Variants in BTD observed in about 807,000 individuals in gnomAD.
BTD encodes the protein biotinidase, also known as biocytinase.
A neutral mutation model predicts 17.7 loss-of-function variants in BTD; 13 were observed. The observed-to-expected ratio is 0.74, with a 90% CI of 0.48 to 1.17. The LOEUF is 1.17. Among genes scored for constraint, BTD ranks in the 50% most tolerant of loss-of-function variants. The pLI is 0.00. For synonymous variants in BTD, 240 were observed against 245.2 expected (o/e 0.98, Z 0.20); for missense variants, 674 against 650.4 (o/e 1.04, Z -0.39).
rs1336157373 is a variant in BTD, at chr3:15,677,076, G to A, written c.400-32984G>A. On this transcript the variant is annotated intron_variant, in intron 3 of 3. Coordinates refer to the BTD transcript ENST00000672141. ...ATGACCCTATAATTGTGGCAGATAA[G>A]TTATAAAAACTTGAGCACCATTAAA... The A allele has an allele frequency of 1.2e-5, 20 of 1,601,040 alleles. No individual in the cohort carries two copies. The East Asian group carries it at 4.5e-4, about 36-fold the overall frequency.
downstream of BTD, among the ~76,000 whole-genome samples, chr3:15,714,404 C>T (rs2072731611): frequency 6.6e-6 from 1 of 151,784 alleles, no homozygotes; most frequent in Admixed American, 6.6e-5. Context: ...AAAGATACAG[C>T]TACGTGGTAT....
intron 4 of BTD, chr3:15,721,132 TAGA>T: frequency 6.3e-7 from 1 of 1,599,080 alleles, no homozygotes; most frequent in Non-Finnish European, 8.5e-7. Context: ...ATTCATCTAT[TAGA>T]AGGGAAAAAA....
chr3:15,638,590 G>A (rs140065574), intron 2 of BTD, among the ~76,000 whole-genome samples: 1 of 152,354 alleles, frequency 6.6e-6, no homozygotes, highest in East Asian at 1.9e-4. Context: ...TGGCAAGTTT[G>A]TGTGAAAGTT....
At chr3:15,618,509 A>G (rs2064855740) in intron 1 of BTD, among the ~76,000 whole-genome samples, 1 of 152,174 alleles carries the variant, frequency 6.6e-6, no homozygotes, top group Admixed American at 6.5e-5. Flanking sequence ...GAATATAAAT[A>G]GTATTATGGT....
At chr3:15,616,857 G>A (rs62243588) in intron 1 of BTD, among the ~76,000 whole-genome samples, 23,863 of 149,962 alleles carry the variant, frequency 0.16, 2,437 homozygotes, top group Non-Finnish European at 0.22. Flanking sequence ...TTTTTTTTTC[G>A]AGTCTCACTC....
chr3:15,620,285 A>G (rs760603137), intron 1 of BTD, among the ~76,000 whole-genome samples: 12 of 152,200 alleles, frequency 7.9e-5, no homozygotes, highest in Non-Finnish European at 1.6e-4. Flanking sequence ...CCTCAACTGC[A>G]CAAGACAGAC....
chr3:15,670,755 T>A (rs1277250506), intron 3 of BTD, among the ~76,000 whole-genome samples: 1 of 152,164 alleles, frequency 6.6e-6, no homozygotes, highest in Admixed American at 6.5e-5. Context: ...TGGAAGGGGA[T>A]GTTAGACTAG....
chr3:15,630,925 C>T (rs2065188834), intron 1 of BTD, among the ~76,000 whole-genome samples: 1 of 152,100 alleles, frequency 6.6e-6, no homozygotes, highest in Non-Finnish European at 1.5e-5. Context: ...CACGGACAAG[C>T]TCATGACCAG....
downstream of BTD, among the ~76,000 whole-genome samples, chr3:15,715,155 T>A (rs924112202): frequency 2.6e-4 from 39 of 152,230 alleles, 1 homozygote; most frequent in African/African-American, 9.4e-4. Flanking sequence ...CACATATATA[T>A]TTCATGTAGA....
rs1271239777 is a variant in BTD, at chr3:15,647,982, C to T, written c.*2494C>T. On this transcript the variant is annotated 3_prime_UTR_variant, in exon 4 of 4. Transcript: ENST00000643237. Reference sequence around the variant, plus strand: ...CAAGACACAGGCCTGTCCAGAGCCCCTGCTGAGGGAAACCCACCCAGGCCA... The same window carrying T: ...CAAGACACAGGCCTGTCCAGAGCCCTTGCTGAGGGAAACCCACCCAGGCCA... 1.3e-5 allele frequency among the ~76,000 whole-genome samples: 2 copies of T among 152,206 alleles called. No individual in the cohort carries two copies. Among genetic ancestry groups the T allele is most frequent in the Admixed American group, 6.5e-5 (1 of 15,284 alleles).
chr3:15,641,935 G>C lies in BTD; in HGVS notation c.277G>C (p.Asp93His). 6.2e-7 allele frequency: 1 copy of C among 1,613,412 alleles called. No individual in the cohort carries two copies. Among genetic ancestry groups the C allele is most frequent in the South Asian group, 1.1e-5 (1 of 90,928 alleles). The change falls in exon 3 of 4, where the codon GAT (aspartate) becomes CAT (histidine). Residue 93 changes from aspartate to histidine, a missense_variant. Coordinates refer to ENST00000643237, the MANE Select transcript of BTD (RefSeq NM_001370658.1). ...KDVQIIVFPEDGIHGFNFTRT... is the reference protein window; with the variant it reads ...KDVQIIVFPEHGIHGFNFTRT... ...TGTACAGATTATAGTGTTTCCAGAA[G>C]ATGGCATTCATGGATTCAACTTTAC...
downstream of BTD, chr3:15,714,507 T>C: frequency 9.1e-7 from 1 of 1,100,626 alleles, no homozygotes; most frequent in Non-Finnish European, 1.3e-6. Context: ...ACCATTCATT[T>C]GGTGGATGTT....
At chr3:15,712,167 C>G in exon 4 of BTD, 1 of 1,583,626 alleles carries the variant, frequency 6.3e-7, no homozygotes. Flanking sequence ...CTGCAGCAAT[C>G]TGAAAAGCCG....
At chr3:15,709,917 A>G (rs2071993503) in intron 3 of BTD, among the ~76,000 whole-genome samples, 1 of 152,208 alleles carries the variant, frequency 6.6e-6, no homozygotes, top group Admixed American at 6.5e-5. Context: ...AGAAAGTTAT[A>G]TACTTACATA....
intron 3 of BTD, among the ~76,000 whole-genome samples, chr3:15,662,703 T>C (rs992185605): frequency 3.9e-5 from 6 of 152,256 alleles, no homozygotes; most frequent in Admixed American, 3.9e-4. Context: ...GGCATGATCA[T>C]GGCTCACTGC....
intron 2 of BTD, among the ~76,000 whole-genome samples, chr3:15,636,853 G>T (rs997549543): frequency 7.4e-6 from 1 of 134,712 alleles, no homozygotes; most frequent in Non-Finnish European, 1.6e-5. Flanking sequence ...TGAAGACTTG[G>T]TCCAGCTTCT....
At chr3:15,602,773 C>T (rs959623044) in intron 1 of BTD, among the ~76,000 whole-genome samples, 1 of 152,032 alleles carries the variant, frequency 6.6e-6, no homozygotes, top group South Asian at 2.1e-4. Context: ...CTCTTTTTCT[C>T]AACCCCTCAA....
Position 15,649,584 on chromosome 3 carries a change from C to T in BTD, c.*4096C>T, listed in dbSNP as rs78931252. Among the ~76,000 whole-genome samples, 672 of 152,326 alleles carry T rather than the reference C, an allele frequency of 4.4e-3. 8 individuals are homozygous for T. The highest frequency in any genetic ancestry group is 0.015 in the South Asian group (71 of 4,830). ...CCTGACCTCTGAGCTCACATGATGG[C>T]CCTTACTGTGAACCTGGGTTTCTGG... On this transcript the variant is annotated 3_prime_UTR_variant, in exon 4 of 4. Coordinates refer to ENST00000643237, the MANE Select transcript of BTD (RefSeq NM_001370658.1).
chr3:15,716,422 G>T (rs2073056421), downstream of BTD, among the ~76,000 whole-genome samples: 1 of 151,674 alleles, frequency 6.6e-6, no homozygotes, highest in South Asian at 2.1e-4. Context: ...CTCTGGAGTA[G>T]CTGGGACTAC....
Sources: gnomAD v4.1 joint callset for allele counts (sites outside exome capture counted in the v4.1 genomes callset) on GRCh38, gnomAD v4.1.1 for gene constraint, MANE v1.5 for transcripts, NCBI Gene and HGNC (gene_info 2026-07-23, HGNC 2026-07-21) for gene names.